The following NPTN variants were observed in gnomAD, a reference collection of about 807,000 sequenced individuals.
The protein encoded by NPTN is SDR-1.
In NPTN, 5 loss-of-function variants were observed where a neutral mutation model predicts 42.7. The ratio of observed to expected loss-of-function variants is 0.12; its 90% CI spans 0.06 to 0.25. The LOEUF is 0.25. NPTN is among the 10% of genes least tolerant of loss of function. The pLI, the probability that NPTN is intolerant of heterozygous loss-of-function variation, is 1.00. For synonymous variants in NPTN, 180 were observed against 201.9 expected, an observed-to-expected ratio of 0.89 and a Z score of 0.92; for missense variants, 307 against 525.4, an observed-to-expected ratio of 0.58 and a Z score of 4.06.
intron 1 of NPTN, among the ~76,000 whole-genome samples, chr15:73,620,403 A>G (rs77977746): frequency 0.051 from 7,737 of 152,224 alleles, 213 homozygotes; most frequent in South Asian, 0.093. Flanking sequence ...GATATTCTCA[A>G]TGGGGGTTGC....
chr15:73,591,831 A>T, intron 3 of NPTN, 135 bp downstream of exon 3: 1 of 743,056 alleles, frequency 1.3e-6, no homozygotes, highest in Non-Finnish European at 2.1e-6. Context: ...TACCTGAGAT[A>T]CTGGATTGGA....
At chr15:73,609,329 T>C (rs1309594786) in intron 1 of NPTN, among the ~76,000 whole-genome samples, 1 of 152,196 alleles carries the variant, frequency 6.6e-6, no homozygotes, top group Admixed American at 6.5e-5. Context: ...GTAATGCTAT[T>C]AGCCTTTACA....
At position 73,587,567 on chromosome 15, in the gene NPTN, G is replaced by A. The variant is rs780979096; in HGVS notation, c.663C>T (p.His221=). ...EDSGEYHCVY[H]FVSAPKANAT... is the part of the protein sequence containing the mutation. ...CGTTTGCTTTAGGAGCGCTGACAAA[G>A]TGATATACGCAGTGGTATTCGCCTG... is the stretch of plus-strand genomic sequence containing the variant. The change falls in exon 4 of 9, where the codon CAC becomes CAT. Residue 221 remains histidine, a synonymous_variant. Coordinates refer to ENST00000345330, the MANE Select transcript of NPTN (RefSeq NM_012428.4). 3.5e-5 allele frequency: 57 copies of A among 1,613,986 alleles called. No individual in the cohort carries two copies. Among genetic ancestry groups the A allele is most frequent in the Non-Finnish European group, 4.7e-5 (55 of 1,179,952 alleles).
At chr15:73,605,934 C>T (rs559012454) in intron 1 of NPTN, among the ~76,000 whole-genome samples, 2 of 151,766 alleles carry the variant, frequency 1.3e-5, no homozygotes, top group South Asian at 2.1e-4. Context: ...CGGTGGCTCA[C>T]GCCTGTAATA....
At chr15:73,589,817 C>CAA (rs58769848) in intron 3 of NPTN, among the ~76,000 whole-genome samples, 145,870 of 151,948 alleles carry the variant, frequency 0.96, 70,303 homozygotes, top group East Asian at 1. Flanking sequence ...GAGAAGCAGT[C>CAA]AGTGTCTTCT....
At chr15:73,628,436 T>C (rs1045521006) in intron 1 of NPTN, among the ~76,000 whole-genome samples, 4 of 152,220 alleles carry the variant, frequency 2.6e-5, no homozygotes, top group Non-Finnish European at 5.9e-5. Flanking sequence ...ATCAGAACGA[T>C]TTTCATAAAA....
intron 1 of NPTN, among the ~76,000 whole-genome samples, chr15:73,613,905 C>T (rs548138987): frequency 6.6e-6 from 1 of 152,070 alleles, no homozygotes; most frequent in Admixed American, 6.5e-5. Context: ...AGGCTGGTCT[C>T]GAACTCTTGA....
chr15:73,589,274 G>C (rs1896474293), intron 3 of NPTN, among the ~76,000 whole-genome samples: 1 of 152,100 alleles, frequency 6.6e-6, no homozygotes, highest in South Asian at 2.1e-4. Context: ...CAAGGCTGCA[G>C]TGAGCCATGA....
At position 73,569,608 on chromosome 15, in the gene NPTN, C is replaced by T; in HGVS notation, c.1114+542G>A. The T allele has an allele frequency of 1.0e-6, 1 of 985,454 alleles. No homozygotes were observed. The highest frequency in any genetic ancestry group is 1.2e-6 in the Non-Finnish European group (1 of 829,936). 61.0% of individuals were successfully genotyped at this position (985,454 alleles called of 1,614,324 possible). A position where few individuals can be genotyped will look rare whatever the true frequency, so the allele number is the denominator to read the frequency against. On this transcript the variant is annotated intron_variant, in intron 6 of 8. Coordinates refer to ENST00000345330, the MANE Select transcript of NPTN (RefSeq NM_012428.4). The surrounding 1 kb of genome is among the most constrained non-coding windows in gnomAD (Gnocchi z 4.1). ...CTATCAAAGGGACCAACCAAGGAAC[C>T]AAAAGCTGGCTTGTTCCAATGGCTT... is the stretch of plus-strand genomic sequence containing the variant.
intron 1 of NPTN, among the ~76,000 whole-genome samples, chr15:73,614,822 C>T (rs1418949489): frequency 2.0e-5 from 3 of 151,994 alleles, no homozygotes; most frequent in Non-Finnish European, 4.4e-5. Flanking sequence ...GAAAGGTAGC[C>T]ATCAGAGCCA....
intron 6 of NPTN, chr15:73,567,746 G>C (rs1186999989): frequency 2.0e-6 from 2 of 985,308 alleles, no homozygotes; most frequent in Admixed American, 1.2e-4. Context: ...GGAAATACTG[G>C]AGCAAGGGCA....
intron 1 of NPTN, among the ~76,000 whole-genome samples, chr15:73,598,368 T>C (rs1896924165): frequency 6.6e-6 from 1 of 151,904 alleles, no homozygotes. Context: ...CAACCAACAC[T>C]CTTAGGAACT....
At chr15:73,605,668 G>A (rs1278247302) in intron 1 of NPTN, among the ~76,000 whole-genome samples, 2 of 151,406 alleles carry the variant, frequency 1.3e-5, no homozygotes, top group Non-Finnish European at 3.0e-5. Context: ...GGGAGGTTGC[G>A]GTGAGCTGAG....
chr15:73,587,695 G>A (rs1177442368), intron 3 of NPTN, 77 bp from the exon 4 acceptor site: 4 of 1,057,768 alleles, frequency 3.8e-6, no homozygotes, highest in South Asian at 1.3e-5. Flanking sequence ...AATCAAAGGG[G>A]CAATCAGGGA....
intron 1 of NPTN, among the ~76,000 whole-genome samples, chr15:73,601,648 G>A (rs1266738042): frequency 6.6e-6 from 1 of 152,162 alleles, no homozygotes; most frequent in Non-Finnish European, 1.5e-5. Context: ...CAATATTTTG[G>A]AAAAACCCTA....
At chr15:73,586,142 C>T (rs1157101520) in intron 4 of NPTN, among the ~76,000 whole-genome samples, 1 of 152,202 alleles carries the variant, frequency 6.6e-6, no homozygotes, top group Non-Finnish European at 1.5e-5. Context: ...TTCCTTCCCT[C>T]ACCCACCCTG....
intron 2 of NPTN, among the ~76,000 whole-genome samples, chr15:73,594,167 A>AT (rs1896725666): frequency 6.6e-6 from 1 of 152,208 alleles, no homozygotes; most frequent in Non-Finnish European, 1.5e-5. Flanking sequence ...ATCCAATTTC[A>AT]TTTTCTGTCC....
intron 1 of NPTN, among the ~76,000 whole-genome samples, chr15:73,607,811 T>C (rs1028244128): frequency 3.3e-5 from 5 of 152,172 alleles, no homozygotes; most frequent in Admixed American, 3.3e-4. Flanking sequence ...AGCAGAATCA[T>C]TTGGAGGGCC....
chr15:73,608,084 T>TA (rs1302919439), intron 1 of NPTN, among the ~76,000 whole-genome samples: 1 of 152,204 alleles, frequency 6.6e-6, no homozygotes, highest in East Asian at 1.9e-4. Context: ...AAACAGTTGC[T>TA]AAAAAAACTG....
Sources: gnomAD v4.1 joint callset for allele counts (sites outside exome capture counted in the v4.1 genomes callset) on GRCh38, gnomAD v4.1.1 for gene constraint, Gnocchi (gnomAD v3.1) non-coding constraint, MANE v1.5 for transcripts, NCBI Gene and HGNC (gene_info 2026-07-23, HGNC 2026-07-21) for gene names.